Variants in OR2AT4 observed in about 807,000 individuals in gnomAD.
OR2AT4 encodes the protein olfactory receptor 2AT4.
In OR2AT4, 6 loss-of-function variants were observed where a neutral mutation model predicts 10.3. The observed-to-expected ratio is 0.58, with a 90% CI of 0.32 to 1.15. The LOEUF (loss-of-function observed/expected upper bound fraction) is 1.15, where lower values mean the gene tolerates loss of function less well. Ranked by LOEUF, OR2AT4 falls within the 50% of genes most tolerant of loss-of-function variation. The pLI is 0.05. For synonymous variants in OR2AT4, 145 were observed against 159.1 expected (o/e 0.91, Z 0.67); for missense variants, 354 against 393.8 (o/e 0.90, Z 0.85).
exon 2 of OR2AT4, chr11:75,089,660 T>C (rs753261776): frequency 4.3e-6 from 7 of 1,613,606 alleles, no homozygotes; most frequent in Non-Finnish European, 5.9e-6. Flanking sequence ...GGATGCCCAA[T>C]AGATAGAAGA....
chr11:75,090,580 A>G (rs1949316506), intron 1 of OR2AT4, among the ~76,000 whole-genome samples: 1 of 152,244 alleles, frequency 6.6e-6, no homozygotes, highest in Admixed American at 6.5e-5. Flanking sequence ...TTTGGGGACC[A>G]TGATGTGGCT....
At chr11:75,089,820 T>C in exon 2 of OR2AT4, 2 of 1,124,136 alleles carry the variant, frequency 1.8e-6, no homozygotes, top group Non-Finnish European at 2.6e-6. Flanking sequence ...AATGCTATAA[T>C]GTTTACTCTG....
At chr11:75,093,019 G>A (rs1949327282) in intron 1 of OR2AT4, among the ~76,000 whole-genome samples, 1 of 152,206 alleles carries the variant, frequency 6.6e-6, no homozygotes, top group Non-Finnish European at 1.5e-5. Flanking sequence ...AGAATCGCTT[G>A]AACCTGGGAG....
chr11:75,089,709 T>G (rs1010379783), exon 2 of OR2AT4: 1 of 1,608,446 alleles, frequency 6.2e-7, no homozygotes, highest in African/African-American at 1.3e-5. Flanking sequence ...GGCTGTGGCA[T>G]CCATTGTGAG....
intron 1 of OR2AT4, among the ~76,000 whole-genome samples, chr11:75,093,789 CTTTTTTTTCTTTTTCTTTTTCTTT>C (rs1565515270): frequency 5.2e-5 from 6 of 114,434 alleles, no homozygotes; most frequent in Admixed American, 1.8e-4. Flanking sequence ...TTTCTCTTTT[CTTTTTTTTCTTTTTCTTTTTCTTT>C]TTTTTTTTTT....
chr11:75,095,297 C>T (rs1949341700), intron 1 of OR2AT4, among the ~76,000 whole-genome samples: 1 of 152,202 alleles, frequency 6.6e-6, no homozygotes, highest in Non-Finnish European at 1.5e-5. Context: ...AGCCTTGTTT[C>T]TCCTTATTCT....
At chr11:75,087,765 C>T (rs1231648263) in exon 2 of OR2AT4, 1 of 152,124 alleles carries the variant, frequency 6.6e-6, no homozygotes, top group Non-Finnish European at 1.5e-5. Flanking sequence ...GGGTCAAGTG[C>T]TTCTGTTTAT....
intron 1 of OR2AT4, among the ~76,000 whole-genome samples, chr11:75,096,596 C>A (rs1280179386): frequency 6.6e-6 from 1 of 152,154 alleles, no homozygotes; most frequent in East Asian, 1.9e-4. Context: ...GTGAGGAATT[C>A]TCTTCCAAGA....
At chr11:75,093,470 TC>T (rs1349429745) in intron 1 of OR2AT4, among the ~76,000 whole-genome samples, 1 of 152,166 alleles carries the variant, frequency 6.6e-6, no homozygotes, top group African/African-American at 2.4e-5. Context: ...GAGGTTGTTC[TC>T]CCCCTGTCAA....
chr11:75,094,928 GT>G (rs1267738892), intron 1 of OR2AT4, among the ~76,000 whole-genome samples: 1 of 152,152 alleles, frequency 6.6e-6, no homozygotes, highest in East Asian at 1.9e-4. Context: ...AAATCACCAG[GT>G]TTTTCTAATA....
chr11:75,086,639 GAT>G (rs768420334), exon 2 of OR2AT4: 7 of 152,138 alleles, frequency 4.6e-5, no homozygotes, highest in Non-Finnish European at 1.0e-4. Context: ...ACCACAATAA[GAT>G]ACCACTACAT....
chr11:75,089,396 C>T (rs1001673348), exon 2 of OR2AT4: 1 of 1,614,146 alleles, frequency 6.2e-7, no homozygotes, highest in East Asian at 2.2e-5. Context: ...GGAAGAGGTA[C>T]ATCTGCAGTA....
At chr11:75,089,009 G>A (rs886472269) in exon 2 of OR2AT4, 2 of 1,614,192 alleles carry the variant, frequency 1.2e-6, no homozygotes, top group Non-Finnish European at 8.5e-7. Context: ...GTCCTTCTAG[G>A]GAACTGATGC....
At chr11:75,089,450 G>A in exon 2 of OR2AT4, 6 of 1,614,162 alleles carry the variant, frequency 3.7e-6, no homozygotes, top group Non-Finnish European at 5.1e-6. Context: ...GCAAGAATAA[G>A]GACAGCATCT....
At chr11:75,092,918 G>A (rs1949326883) in intron 1 of OR2AT4, among the ~76,000 whole-genome samples, 1 of 151,900 alleles carries the variant, frequency 6.6e-6, no homozygotes, top group Admixed American at 6.6e-5. Flanking sequence ...TGACCAACAT[G>A]GTGAAACCTC....
chr11:75,082,473 AATAG>A (rs1399845154), exon 2 of OR2AT4: 2 of 150,886 alleles, frequency 1.3e-5, no homozygotes, highest in African/African-American at 5.0e-5. Context: ...TAAATAAATA[AATAG>A]TGCTAGGATA....
chr11:75,087,725 T>C (rs1178109882), exon 2 of OR2AT4: 1 of 152,386 alleles, frequency 6.6e-6, no homozygotes. Flanking sequence ...ATTTTCTTTG[T>C]GGTCATGCCA....
At position 75,088,661 on chromosome 11, in the gene OR2AT4, ACATTATTT is replaced by A. The variant is rs1055392942; in HGVS notation, c.*82_*89del. 4 of 1,170,386 alleles carry A rather than the reference ACATTATTT, an allele frequency of 3.4e-6. No individual in the cohort carries two copies. In the African/African-American group the frequency reaches 6.2e-5, roughly 18 times the overall value. 72.5% of individuals were successfully genotyped at this position (1,170,386 alleles called of 1,614,324 possible). On this transcript the variant is annotated 3_prime_UTR_variant, in exon 2 of 2. Coordinates refer to ENST00000641504, the Ensembl canonical transcript of OR2AT4. Reference sequence around the variant, plus strand: ...CAACTTAAGATTCCAATAAAAATTAACATTATTTCATTATCATGTATTGAGTCCTTTCT... The same window carrying A: ...CAACTTAAGATTCCAATAAAAATTAACATTATCATGTATTGAGTCCTTTCT...
exon 2 of OR2AT4, chr11:75,087,915 G>A (rs1421224325): frequency 6.6e-6 from 1 of 152,110 alleles, no homozygotes; most frequent in Non-Finnish European, 1.5e-5. Flanking sequence ...CCATCTTTAT[G>A]AGTTCACATT....
Sources: gnomAD v4.1 joint callset for allele counts (sites outside exome capture counted in the v4.1 genomes callset) on GRCh38, gnomAD v4.1.1 for gene constraint, MANE v1.5 for transcripts, NCBI Gene and HGNC (gene_info 2026-07-23, HGNC 2026-07-21) for gene names.